The following TMEM132D variants were observed in gnomAD, a reference collection of about 807,000 sequenced individuals.
TMEM132D encodes the protein mature OL transmembrane protein.
Under a neutral mutation model 62.3 loss-of-function variants are expected in TMEM132D, and 21 were observed. The ratio of observed to expected loss-of-function variants is 0.34; its 90% CI spans 0.24 to 0.49. The LOEUF (loss-of-function observed/expected upper bound fraction) is 0.49. Ranked by LOEUF, TMEM132D falls within the 20% of genes least tolerant of loss-of-function variation. TMEM132D has a pLI of 0.99. For synonymous variants in TMEM132D, 621 were observed against 575.6 expected (o/e 1.08, Z -1.13); for missense variants, 1,346 against 1,402.8 (o/e 0.96, Z 0.65).
At chr12:129,785,170 G>A (rs7300804) in intron 1 of TMEM132D, among the ~76,000 whole-genome samples, 2,997 of 152,210 alleles carry the variant, frequency 0.02, 100 homozygotes, top group African/African-American at 0.069. Context: ...TGTAGGCGCC[G>A]TCCTAGGGGC....
At position 129,371,711 on chromosome 12, in the gene TMEM132D, G is replaced by A. The variant is rs534787079; in HGVS notation, c.1116-33894C>T. Reference sequence around the variant, plus strand: ...ACAATGATGATGTGATGATAGTGATGGTGATGATGATGGGGTGTTTAGAAC... The same window carrying A: ...ACAATGATGATGTGATGATAGTGATAGTGATGATGATGGGGTGTTTAGAAC... On this transcript the variant is annotated intron_variant, in intron 3 of 8. Transcript: ENST00000422113. The surrounding 1 kb of genome is among the most constrained non-coding windows in gnomAD (Gnocchi z 4.3). 6.6e-6 allele frequency among the ~76,000 whole-genome samples: 1 copy of A among 152,138 alleles called. No homozygotes were observed. The highest frequency in any genetic ancestry group is 2.1e-4 in the South Asian group (1 of 4,804).
At chr12:129,233,824 T>A (rs906411715) in intron 4 of TMEM132D, among the ~76,000 whole-genome samples, 1 of 152,014 alleles carries the variant, frequency 6.6e-6, no homozygotes, top group African/African-American at 2.4e-5. Context: ...TATTATTATT[T>A]TTTACACGAT....
chr12:129,804,426 C>T lies in TMEM132D; in HGVS notation c.79+98835G>A, dbSNP rs1048060462. Among the ~76,000 whole-genome samples the T allele has an allele frequency of 2.2e-5, 3 of 137,534 alleles. No individual in the cohort carries two copies. In the Admixed American group the frequency reaches 2.3e-4, roughly 10 times the overall value. 90.2% of individuals were successfully genotyped at this position (137,534 alleles called of 152,430 possible). On this transcript the variant is annotated intron_variant, in intron 1 of 8. Transcript: ENST00000422113. The stretch of plus-strand genomic sequence containing the variant: ...AATGTAATCCAGCATATAAACAGAG[C>T]CAAAGACAAAAACCACATGATTATC...
rs1418608406 is a variant in TMEM132D at position 129,090,672 on chromosome 12, A to AG, written c.1444-5971_1444-5970insC. ...GACAGAGTGAGACCCTGTCTGAAAA[A>AG]AAAAGAAAAGAAAAGAAAAGAAAAC... is the stretch of plus-strand genomic sequence containing the variant. On this transcript the variant is annotated intron_variant, in intron 5 of 8. Transcript: ENST00000422113. 6.4e-4 allele frequency among the ~76,000 whole-genome samples: 98 copies of AG among 152,044 alleles called. 1 individual carries two copies. The highest frequency in any genetic ancestry group is 2.0e-3 in the African/African-American group (82 of 41,458).
intron 5 of TMEM132D, among the ~76,000 whole-genome samples, chr12:129,105,335 T>A (rs537180506): frequency 7.2e-6 from 1 of 138,836 alleles, no homozygotes; most frequent in African/African-American, 2.8e-5. Context: ...CAGGTGGGAA[T>A]TGAACAATGA....
rs557754169 is a variant in TMEM132D, at chr12:129,748,070, T to C, written c.80-47372A>G. Among the ~76,000 whole-genome samples the C allele has an allele frequency of 1.4e-3, 206 of 152,334 alleles. 1 individual carries two copies. The highest frequency in any genetic ancestry group is 3.8e-4 in the Non-Finnish European group (26 of 68,030). ...GCAACAGGGCTTGGTGCATGGTACC[T>C]GCTTGATAAGTATGAGCATTGCTCA... is the stretch of plus-strand genomic sequence containing the variant. On this transcript the variant is annotated intron_variant, in intron 1 of 8. Coordinates refer to ENST00000422113, the MANE Select transcript of TMEM132D (RefSeq NM_133448.3).
Position 129,779,663 on chromosome 12 carries a change from C to G in TMEM132D, c.80-78965G>C, listed in dbSNP as rs922132966. On this transcript the variant is annotated intron_variant, in intron 1 of 8. Coordinates refer to ENST00000422113, the MANE Select transcript of TMEM132D (RefSeq NM_133448.3). The surrounding 1 kb of genome is among the most constrained non-coding windows in gnomAD (Gnocchi z 4.1). ...GAAGAAGAGCAGGTATTGGAAGAGACCATCAGAAGGCCCCTCCACAGTCAG... is the reference window on the plus strand; with the variant it reads ...GAAGAAGAGCAGGTATTGGAAGAGAGCATCAGAAGGCCCCTCCACAGTCAG... 8.6e-5 allele frequency among the ~76,000 whole-genome samples: 13 copies of G among 152,000 alleles called. No homozygotes were observed. Among genetic ancestry groups the G allele is most frequent in the Non-Finnish European group, 1.8e-4 (12 of 68,006 alleles).
chr12:129,322,359 C>A (rs1257981383), intron 4 of TMEM132D, among the ~76,000 whole-genome samples: 2 of 152,100 alleles, frequency 1.3e-5, no homozygotes, highest in Non-Finnish European at 2.9e-5. Flanking sequence ...TTTCCACCAG[C>A]CTTAATTTTC....
intron 1 of TMEM132D, among the ~76,000 whole-genome samples, chr12:129,862,134 G>A (rs1392994573): frequency 6.6e-6 from 1 of 152,178 alleles, no homozygotes; most frequent in Non-Finnish European, 1.5e-5. Flanking sequence ...CTTTACATGT[G>A]TGATACTCTT....
chr12:129,427,829 G>T (rs2135714340), intron 3 of TMEM132D, among the ~76,000 whole-genome samples: 1 of 152,104 alleles, frequency 6.6e-6, no homozygotes, highest in African/African-American at 2.4e-5. Context: ...TATTAAAACT[G>T]ATTTTACTTT....
intron 5 of TMEM132D, among the ~76,000 whole-genome samples, chr12:129,146,873 T>A (rs1241642280): frequency 6.6e-6 from 1 of 152,198 alleles, no homozygotes; most frequent in Admixed American, 6.5e-5. Flanking sequence ...GAGGTACTGC[T>A]GTTATCTTCA....
intron 5 of TMEM132D, among the ~76,000 whole-genome samples, chr12:129,144,276 T>C (rs143658633): frequency 1.3e-5 from 2 of 152,278 alleles, no homozygotes; most frequent in African/African-American, 4.8e-5. Context: ...AGTTAATGGT[T>C]CCAATAAATC....
At chr12:129,877,628 C>CACACAG (rs869172595) in intron 1 of TMEM132D, among the ~76,000 whole-genome samples, 24 of 146,854 alleles carry the variant, frequency 1.6e-4, no homozygotes, top group African/African-American at 5.7e-4. Context: ...CACACACACA[C>CACACAG]AGAGAGAGAG....
At chr12:129,844,445 G>A (rs1030419554) in intron 1 of TMEM132D, among the ~76,000 whole-genome samples, 1 of 152,164 alleles carries the variant, frequency 6.6e-6, no homozygotes, top group Non-Finnish European at 1.5e-5. Flanking sequence ...CTCTTGTAGT[G>A]TATCTTGCCA....
intron 5 of TMEM132D, among the ~76,000 whole-genome samples, chr12:129,119,295 G>C (rs1875989380): frequency 6.6e-6 from 1 of 152,158 alleles, no homozygotes; most frequent in Non-Finnish European, 1.5e-5. Context: ...CACCCAAATA[G>C]AGTACATATC....
intron 2 of TMEM132D, among the ~76,000 whole-genome samples, chr12:129,571,042 G>T (rs1003586799): frequency 1.3e-5 from 2 of 152,202 alleles, no homozygotes; most frequent in African/African-American, 4.8e-5. Flanking sequence ...AATCATGTTT[G>T]CTGTAATTAG....
intron 1 of TMEM132D, among the ~76,000 whole-genome samples, chr12:129,860,195 C>T (rs1332510564): frequency 1.3e-5 from 2 of 152,126 alleles, no homozygotes; most frequent in African/African-American, 4.8e-5. Context: ...ATGCAACTGG[C>T]TAAGAAAAAC....
At chr12:129,709,246 C>G (rs977875351) in intron 1 of TMEM132D, among the ~76,000 whole-genome samples, 2 of 152,136 alleles carry the variant, frequency 1.3e-5, no homozygotes, top group African/African-American at 4.8e-5. Flanking sequence ...TCCTGTCTCT[C>G]TGCCCCATTC....
intron 3 of TMEM132D, among the ~76,000 whole-genome samples, chr12:129,462,908 A>C (rs1339041122): frequency 1.3e-5 from 2 of 152,136 alleles, no homozygotes; most frequent in African/African-American, 2.4e-5. Context: ...TTGTATGAGA[A>C]GGGCAAAGAG....
Sources: gnomAD v4.1 joint callset for allele counts (sites outside exome capture counted in the v4.1 genomes callset) on GRCh38, gnomAD v4.1.1 for gene constraint, Gnocchi (gnomAD v3.1) non-coding constraint, MANE v1.5 for transcripts, NCBI Gene and HGNC (gene_info 2026-07-23, HGNC 2026-07-21) for gene names.